The following SKI variants were observed in gnomAD, a reference collection of about 807,000 sequenced individuals.
SKI encodes ski oncogene.
In SKI, 23 loss-of-function variants were observed where a neutral mutation model predicts 59.3. The observed-to-expected ratio is 0.39, with a 90% CI of 0.28 to 0.55. SKI has a LOEUF of 0.55. Ranked by LOEUF, SKI falls within the 20% of genes least tolerant of loss-of-function variation. The probability of loss-of-function intolerance (pLI) is 0.67; values close to 1 mark genes in which losing one functional copy is unlikely to be tolerated. For synonymous variants in SKI, 673 were observed against 488.6 expected (o/e 1.38, Z -4.98); for missense variants, 1,017 against 1,038.9 (o/e 0.98, Z 0.29).
At chr1:2,236,216 CTG>C (rs753146957) in intron 1 of SKI, among the ~76,000 whole-genome samples, 31 of 152,118 alleles carry the variant, frequency 2.0e-4, no homozygotes, top group Admixed American at 5.2e-4. Flanking sequence ...GGGTTGTTGC[CTG>C]TGTGGTTGTG....
chr1:2,285,325 C>T (rs977326219), intron 1 of SKI, among the ~76,000 whole-genome samples: 1 of 152,000 alleles, frequency 6.6e-6, no homozygotes, highest in Non-Finnish European at 1.5e-5. Context: ...CCAGCATGGC[C>T]AACATGGTGA....
intron 1 of SKI, among the ~76,000 whole-genome samples, chr1:2,231,891 G>T (rs886289863): frequency 6.6e-6 from 1 of 152,252 alleles, no homozygotes; most frequent in African/African-American, 2.4e-5. Flanking sequence ...CCCTCGCTCA[G>T]TGCCTGCCCT....
At chr1:2,259,306 GA>G (rs1639335026) in intron 1 of SKI, among the ~76,000 whole-genome samples, 1 of 152,210 alleles carries the variant, frequency 6.6e-6, no homozygotes, top group African/African-American at 2.4e-5. Context: ...GTCCCTTACG[GA>G]AAACACTTGC....
intron 1 of SKI, among the ~76,000 whole-genome samples, chr1:2,284,758 A>C (rs1359855180): frequency 6.6e-6 from 1 of 152,118 alleles, no homozygotes; most frequent in Non-Finnish European, 1.5e-5. Flanking sequence ...GGAGGGGTGG[A>C]TGGCCGGCGT....
chr1:2,285,947 C>T (rs12353976), intron 1 of SKI, among the ~76,000 whole-genome samples: 2,979 of 147,234 alleles, frequency 0.02, 72 homozygotes, highest in African/African-American at 0.066. Context: ...GATCTCGGCT[C>T]ACTGCAAGCT....
intron 1 of SKI, among the ~76,000 whole-genome samples, chr1:2,266,627 C>T (rs577478291): frequency 6.6e-6 from 1 of 152,270 alleles, no homozygotes; most frequent in East Asian, 1.9e-4. Context: ...CGTTTTTGGC[C>T]TTTCCAGGGA....
chr1:2,232,779 C>G (rs753726625), intron 1 of SKI: 1 of 152,354 alleles, frequency 6.6e-6, no homozygotes, highest in Non-Finnish European at 1.5e-5. Context: ...GTTGCTTAAC[C>G]TCTCTGCCTC....
chr1:2,265,323 C>T (rs1639479924), intron 1 of SKI, among the ~76,000 whole-genome samples: 1 of 151,620 alleles, frequency 6.6e-6, no homozygotes, highest in African/African-American at 2.4e-5. Flanking sequence ...CTTCTGGATT[C>T]TTTTTTTTCC....
chr1:2,284,461 T>A (rs1339403743), intron 1 of SKI, among the ~76,000 whole-genome samples: 1 of 152,166 alleles, frequency 6.6e-6, no homozygotes, highest in Non-Finnish European at 1.5e-5. Flanking sequence ...CAACGGCAGC[T>A]CCGTGTGAAG....
intron 1 of SKI, among the ~76,000 whole-genome samples, chr1:2,244,206 C>T (rs891702032): frequency 1.3e-5 from 2 of 151,988 alleles, no homozygotes; most frequent in Non-Finnish European, 1.5e-5. Context: ...CCTCGTGATC[C>T]GCCTGCCTCG....
chr1:2,273,973 C>T (rs1639685864), intron 1 of SKI, among the ~76,000 whole-genome samples: 2 of 152,104 alleles, frequency 1.3e-5, no homozygotes, highest in African/African-American at 4.8e-5. Flanking sequence ...GATGGCAGCC[C>T]CACAACAGTG....
intron 1 of SKI, among the ~76,000 whole-genome samples, chr1:2,257,379 T>C (rs1415458928): frequency 6.6e-6 from 1 of 152,262 alleles, no homozygotes; most frequent in African/African-American, 2.4e-5. Flanking sequence ...GGATGGCTCT[T>C]ATGCAGACGT....
chr1:2,272,801 CCG>C (rs1021582080), intron 1 of SKI, among the ~76,000 whole-genome samples: 1 of 151,922 alleles, frequency 6.6e-6, no homozygotes, highest in African/African-American at 2.4e-5. Context: ...GACCCTGGGA[CCG>C]GTGAGGCAGT....
chr1:2,271,542 C>T (rs555158565), intron 1 of SKI, among the ~76,000 whole-genome samples: 3 of 152,320 alleles, frequency 2.0e-5, no homozygotes, highest in South Asian at 2.1e-4. Context: ...CGGCTGCCCT[C>T]GGCAGGGGCT....
At chr1:2,292,355 G>C (rs1009480196) in intron 1 of SKI, among the ~76,000 whole-genome samples, 1 of 152,186 alleles carries the variant, frequency 6.6e-6, no homozygotes, top group Non-Finnish European at 1.5e-5. Flanking sequence ...CTGCATGGTA[G>C]GGTGACCGCA....
At chr1:2,256,704 T>C (rs920486066) in intron 1 of SKI, among the ~76,000 whole-genome samples, 1 of 152,270 alleles carries the variant, frequency 6.6e-6, no homozygotes, top group African/African-American at 2.4e-5. Flanking sequence ...CTCAGCGTCT[T>C]GCCTCTGGTG....
At chr1:2,298,089 G>T (rs1370977838) in intron 1 of SKI, among the ~76,000 whole-genome samples, 1 of 152,184 alleles carries the variant, frequency 6.6e-6, no homozygotes, top group Non-Finnish European at 1.5e-5. Flanking sequence ...AGAGCTTGGT[G>T]GTGGCCCCTG....
rs1639527168 is a variant in SKI, at chr1:2,267,588, C to T, written c.970-35390C>T. ...ACTGAGGGAGTGGGGCATTAGGGGC[C>T]ACGTGGTCAGCACTGCACTCTGCTC... On this transcript the variant is annotated intron_variant, in intron 1 of 6. Coordinates refer to ENST00000378536, the MANE Select transcript of SKI (RefSeq NM_003036.4). This position sits in a 1 kb window ranked among gnomAD's most constrained non-coding sequence, Gnocchi z 4.1. 6.6e-6 allele frequency among the ~76,000 whole-genome samples: 1 copy of T among 152,132 alleles called. No individual in the cohort carries two copies. The highest frequency in any genetic ancestry group is 2.1e-4 in the South Asian group (1 of 4,830).
chr1:2,305,996 C>T, intron 5 of SKI, 24 bp from the exon 6 acceptor site: 1 of 1,539,916 alleles, frequency 6.5e-7, no homozygotes, highest in Non-Finnish European at 8.8e-7. Flanking sequence ...TGGGCAGTGA[C>T]CCCGAGCCGC....
Sources: gnomAD v4.1 joint callset for allele counts (sites outside exome capture counted in the v4.1 genomes callset) on GRCh38, gnomAD v4.1.1 for gene constraint, Gnocchi (gnomAD v3.1) non-coding constraint, MANE v1.5 for transcripts, NCBI Gene and HGNC (gene_info 2026-07-23, HGNC 2026-07-21) for gene names.